The following TPST1 variants were observed in gnomAD, a reference collection of about 807,000 sequenced individuals.
TPST1 encodes the protein protein-tyrosine sulfotransferase 1.
Under a neutral mutation model 34.8 loss-of-function variants are expected in TPST1, and 20 were observed. That is an observed-to-expected ratio of 0.57 (90% CI 0.40 to 0.84). The LOEUF is 0.84. Ranked by LOEUF, TPST1 falls within the 40% of genes least tolerant of loss-of-function variation. TPST1 has a pLI of 0.00. For missense variants in TPST1, 353 were observed against 455.5 expected, an observed-to-expected ratio of 0.78 and a Z score of 2.05; for synonymous variants, 152 against 159.4, an observed-to-expected ratio of 0.95 and a Z score of 0.35.
intron 1 of TPST1, among the ~76,000 whole-genome samples, chr7:66,207,246 G>T (rs1446012114): frequency 6.6e-6 from 1 of 152,132 alleles, no homozygotes; most frequent in Non-Finnish European, 1.5e-5. Flanking sequence ...GCTGTTTATG[G>T]ATCTTTACCA....
chr7:66,244,663 G>A (rs1790111009), intron 2 of TPST1, among the ~76,000 whole-genome samples: 1 of 152,142 alleles, frequency 6.6e-6, no homozygotes, highest in Non-Finnish European at 1.5e-5. Context: ...GAACTTTTGG[G>A]AAGTTACAAG....
chr7:66,323,233 G>T (rs1476091408), intron 3 of TPST1, among the ~76,000 whole-genome samples: 1 of 151,988 alleles, frequency 6.6e-6, no homozygotes. Context: ...TTCTTTAATT[G>T]GGCCATCTAT....
chr7:66,308,162 G>A (rs1219762110), intron 3 of TPST1, among the ~76,000 whole-genome samples: 1 of 152,192 alleles, frequency 6.6e-6, no homozygotes, highest in Non-Finnish European at 1.5e-5. Flanking sequence ...CAACTTGGTA[G>A]CCAGTGGTAA....
chr7:66,263,644 G>T (rs1278292402), intron 2 of TPST1, among the ~76,000 whole-genome samples: 2 of 152,114 alleles, frequency 1.3e-5, no homozygotes, highest in Non-Finnish European at 2.9e-5. Flanking sequence ...ACTTGAGGAC[G>T]AGCAGTTTGT....
chr7:66,267,913 TTTCTTTCC>T (rs1790623739), intron 2 of TPST1, among the ~76,000 whole-genome samples: 1 of 152,014 alleles, frequency 6.6e-6, no homozygotes, highest in African/African-American at 2.4e-5. Context: ...ACTTTTTCTC[TTTCTTTCC>T]TTCTTTCCTT....
chr7:66,277,454 G>A (rs907050960), intron 2 of TPST1, among the ~76,000 whole-genome samples: 2 of 152,064 alleles, frequency 1.3e-5, no homozygotes, highest in African/African-American at 4.8e-5. Flanking sequence ...TTGTCTCCAC[G>A]AACTTGTATT....
chr7:66,347,059 C>CTTTTTTTTTTTTTTTTTTTTTT lies in TPST1; in HGVS notation c.1045-5441_1045-5420dup, dbSNP rs71051352. Among the ~76,000 whole-genome samples, 21 of 59,972 alleles carry CTTTTTTTTTTTTTTTTTTTTTT rather than the reference C, an allele frequency of 3.5e-4. 5 individuals are homozygous for CTTTTTTTTTTTTTTTTTTTTTT. The highest frequency in any genetic ancestry group is 5.6e-4 in the Admixed American group (2 of 3,546). 39.3% of individuals were successfully genotyped at this position (59,972 alleles called of 152,430 possible). On this transcript the variant is annotated intron_variant, in intron 3 of 5. Coordinates refer to ENST00000304842, the MANE Select transcript of TPST1 (RefSeq NM_003596.4). ...TTTCTTCTTTTTTTCCTTTGCTTTT[C>CTTTTTTTTTTTTTTTTTTTTTT]TTTTTTTTTTTTTTTTTTTTTTTTT...
chr7:66,301,526 T>G (rs1791316602), intron 3 of TPST1, among the ~76,000 whole-genome samples: 1 of 152,262 alleles, frequency 6.6e-6, no homozygotes, highest in Non-Finnish European at 1.5e-5. Context: ...TAAGCTTGAT[T>G]GTTTCTAGCT....
At chr7:66,216,845 C>T (rs77548345) in intron 1 of TPST1, among the ~76,000 whole-genome samples, 5,628 of 152,254 alleles carry the variant, frequency 0.037, 166 homozygotes, top group East Asian at 0.089. Flanking sequence ...CAGGTGTTTA[C>T]GCTATAAATT....
intron 3 of TPST1, among the ~76,000 whole-genome samples, chr7:66,336,491 T>C (rs1319527575): frequency 6.6e-6 from 1 of 152,164 alleles, no homozygotes; most frequent in East Asian, 1.9e-4. Context: ...TGGAAAGCTT[T>C]AGCAGCAGAC....
At chr7:66,351,221 C>A (rs1424749039) in intron 3 of TPST1, among the ~76,000 whole-genome samples, 2 of 152,090 alleles carry the variant, frequency 1.3e-5, no homozygotes, top group African/African-American at 4.8e-5. Context: ...ATCTGGCTCC[C>A]CACCTCCTCA....
At chr7:66,214,963 A>G in intron 1 of TPST1, among the ~76,000 whole-genome samples, 1 of 81,216 alleles carries the variant, frequency 1.2e-5, no homozygotes, top group East Asian at 2.3e-4. Flanking sequence ...TATTACACTA[A>G]ATAATTTATA....
In TPST1 at chr7:66,240,848, C is replaced by T; in HGVS notation, c.423C>T (p.Phe141=). The T allele has an allele frequency of 1.2e-6, 2 of 1,614,194 alleles. No homozygotes were observed. Among genetic ancestry groups the T allele is most frequent in the Non-Finnish European group, 1.7e-6 (2 of 1,180,034 alleles). Residue 141 remains phenylalanine, a synonymous_variant, in exon 2 of 6, where the codon TTC becomes TTT. Transcript: ENST00000304842. ...DEVLDSAMQA[F]LLEIIVKHGE... ...TGCTGGATTCTGCCATGCAAGCCTTCTTACTAGAAATTATCGTTAAGCATG... is the reference window on the plus strand; with the variant it reads ...TGCTGGATTCTGCCATGCAAGCCTTTTTACTAGAAATTATCGTTAAGCATG...
At chr7:66,353,760 G>C (rs1584263228) in intron 4 of TPST1, among the ~76,000 whole-genome samples, 1 of 152,198 alleles carries the variant, frequency 6.6e-6, no homozygotes, top group Non-Finnish European at 1.5e-5. Context: ...AGGAAGAGGA[G>C]ACTCAGTTTT....
At chr7:66,236,454 C>T (rs904429518) in intron 1 of TPST1, among the ~76,000 whole-genome samples, 33 of 151,970 alleles carry the variant, frequency 2.2e-4, no homozygotes, top group African/African-American at 7.5e-4. Context: ...ATCTAAACAA[C>T]TTTAATGAAG....
chr7:66,322,849 AGTGCACAAAGGTTCCAGTG>A (rs59892022), intron 3 of TPST1, among the ~76,000 whole-genome samples: 90,205 of 151,882 alleles, frequency 0.59, 27,150 homozygotes, highest in African/African-American at 0.68. Flanking sequence ...CCCTTCCAGT[AGTGCACAAAGGTTCCAGTG>A]GTGCACAAAG....
chr7:66,352,421 G>A lies in TPST1; in HGVS notation c.1045-84G>A, dbSNP rs1426628268. The stretch of plus-strand genomic sequence containing the variant: ...TCACCAGCAGTGGAGCAGTAAACCC[G>A]GCCACGGTCAGGCATGGCACATGTC... On this transcript the variant is annotated intron_variant, in intron 3 of 5. Transcript: ENST00000304842. The A allele has an allele frequency of 3.0e-5, 47 of 1,549,488 alleles. 1 individual carries two copies. In the East Asian group the frequency reaches 3.5e-4, roughly 12 times the overall value.
At chr7:66,271,381 G>C (rs1019785265) in intron 2 of TPST1, among the ~76,000 whole-genome samples, 1 of 152,196 alleles carries the variant, frequency 6.6e-6, no homozygotes, top group Non-Finnish European at 1.5e-5. Context: ...GTTTCACCCT[G>C]TTAGCCAGGA....
At chr7:66,240,059 A>AT (rs57181788) in intron 1 of TPST1, among the ~76,000 whole-genome samples, 3,407 of 149,656 alleles carry the variant, frequency 0.023, 134 homozygotes, top group African/African-American at 0.079. Context: ...TTTTTTTTGT[A>AT]TTTTTTTTTA....
Sources: gnomAD v4.1 joint callset for allele counts (sites outside exome capture counted in the v4.1 genomes callset) on GRCh38, gnomAD v4.1.1 for gene constraint, MANE v1.5 for transcripts, NCBI Gene and HGNC (gene_info 2026-07-23, HGNC 2026-07-21) for gene names.